SPOCK1: variants seen among roughly 807,000 people sequenced by gnomAD.
SPOCK1 encodes the protein testican-1.
Under a neutral mutation model 55.3 loss-of-function variants are expected in SPOCK1, and 23 were observed. That is an observed-to-expected ratio of 0.42 (90% CI 0.30 to 0.59). The LOEUF (loss-of-function observed/expected upper bound fraction) is 0.59. SPOCK1 is among the 20% of genes least tolerant of loss of function. The pLI is 0.22. For synonymous variants in SPOCK1, 226 were observed against 221.0 expected, an observed-to-expected ratio of 1.02 and a Z score of -0.20; for missense variants, 499 against 552.5, an observed-to-expected ratio of 0.90 and a Z score of 0.97.
chr5:137,497,472 C>T lies in SPOCK1; in HGVS notation c.186+901G>A, dbSNP rs372962445. On this transcript the variant is annotated intron_variant, in intron 2 of 10. Coordinates refer to ENST00000394945, the MANE Select transcript of SPOCK1 (RefSeq NM_004598.4). ...CCATAAAACATGGTACTCCCAAGTC[C>T]CCTAGAAGGGCATGGCCCTGGCCAG... Among the ~76,000 whole-genome samples, 15 of 152,232 alleles carry T rather than the reference C, an allele frequency of 9.9e-5. No individual in the cohort carries two copies. The East Asian group carries it at 2.7e-3, about 27-fold the overall frequency.
At chr5:137,336,735 G>A (rs551161545) in intron 2 of SPOCK1, among the ~76,000 whole-genome samples, 15 of 152,172 alleles carry the variant, frequency 9.9e-5, no homozygotes, top group Non-Finnish European at 2.1e-4. Context: ...ACATCCAAAG[G>A]AGGCTTGGAT....
chr5:137,270,789 C>A (rs140027335), intron 2 of SPOCK1, among the ~76,000 whole-genome samples: 2 of 152,190 alleles, frequency 1.3e-5, no homozygotes, highest in East Asian at 3.9e-4. Flanking sequence ...GATCACCTGA[C>A]GTCAGGAGTT....
chr5:137,410,117 A>G (rs34178327), intron 2 of SPOCK1, among the ~76,000 whole-genome samples: 10 of 152,182 alleles, frequency 6.6e-5, no homozygotes, highest in Non-Finnish European at 1.0e-4. Context: ...TTCCCAAATC[A>G]TCACACCACA....
intron 6 of SPOCK1, among the ~76,000 whole-genome samples, chr5:137,046,392 AT>A (rs1480322732): frequency 6.6e-6 from 1 of 151,402 alleles, no homozygotes; most frequent in Non-Finnish European, 1.5e-5. Context: ...TAAGTATTTT[AT>A]TCTCTTTGAA....
At chr5:137,224,464 T>G (rs1343095543) in intron 3 of SPOCK1, among the ~76,000 whole-genome samples, 1 of 152,146 alleles carries the variant, frequency 6.6e-6, no homozygotes, top group Non-Finnish European at 1.5e-5. Flanking sequence ...ACAGAAATCC[T>G]TAAAGAATGT....
chr5:137,253,105 T>C (rs1453352535), intron 3 of SPOCK1, among the ~76,000 whole-genome samples: 1 of 152,200 alleles, frequency 6.6e-6, no homozygotes. Flanking sequence ...GAAGTCACAC[T>C]GCATTTGGAA....
intron 5 of SPOCK1, among the ~76,000 whole-genome samples, chr5:137,091,042 A>G (rs1005562989): frequency 6.6e-6 from 1 of 152,210 alleles, no homozygotes; most frequent in Non-Finnish European, 1.5e-5. Context: ...TCTGTGTTCA[A>G]TGGCCAGGAG....
At chr5:137,115,859 G>A (rs1452423501) in intron 4 of SPOCK1, among the ~76,000 whole-genome samples, 1 of 152,118 alleles carries the variant, frequency 6.6e-6, no homozygotes, top group Non-Finnish European at 1.5e-5. Flanking sequence ...CCACAATTCA[G>A]TGCAAATCAT....
chr5:137,370,070 G>T (rs1580890035), intron 2 of SPOCK1, among the ~76,000 whole-genome samples: 1 of 152,104 alleles, frequency 6.6e-6, no homozygotes, highest in South Asian at 2.1e-4. Flanking sequence ...TTCTGGTAGC[G>T]AGTGATGCAA....
intron 2 of SPOCK1, among the ~76,000 whole-genome samples, chr5:137,405,096 C>T (rs567350067): frequency 1.3e-5 from 2 of 152,248 alleles, no homozygotes; most frequent in Middle Eastern, 3.4e-3. Context: ...TCACCTATAG[C>T]GCCAGAAAAT....
chr5:137,399,055 G>A (rs1323409754), intron 2 of SPOCK1, among the ~76,000 whole-genome samples: 1 of 152,218 alleles, frequency 6.6e-6, no homozygotes, highest in Non-Finnish European at 1.5e-5. Flanking sequence ...CAAGGAGATA[G>A]TGCATGCCAC....
At chr5:137,424,328 T>A (rs1666575400) in intron 2 of SPOCK1, among the ~76,000 whole-genome samples, 1 of 152,160 alleles carries the variant, frequency 6.6e-6, no homozygotes, top group Non-Finnish European at 1.5e-5. Flanking sequence ...CTGCAGCAAG[T>A]TATGATCATG....
At chr5:137,034,980 T>C (rs372886199) in intron 6 of SPOCK1, among the ~76,000 whole-genome samples, 10 of 152,122 alleles carry the variant, frequency 6.6e-5, no homozygotes, top group East Asian at 5.8e-4. Context: ...GGAGGGGGCA[T>C]TGGCTACCTC....
At chr5:137,323,019 C>T (rs990670531) in intron 2 of SPOCK1, among the ~76,000 whole-genome samples, 2 of 152,108 alleles carry the variant, frequency 1.3e-5, no homozygotes, top group Non-Finnish European at 2.9e-5. Flanking sequence ...CAAACCCACT[C>T]GTGCAATAAC....
intron 2 of SPOCK1, among the ~76,000 whole-genome samples, chr5:137,348,664 T>C (rs560632528): frequency 6.6e-6 from 1 of 152,094 alleles, no homozygotes; most frequent in African/African-American, 2.4e-5. Context: ...CAGAAATATG[T>C]TGAAGTAGTT....
chr5:137,455,092 G>A (rs553177348), intron 2 of SPOCK1, among the ~76,000 whole-genome samples: 2 of 152,256 alleles, frequency 1.3e-5, no homozygotes, highest in East Asian at 3.9e-4. Context: ...AGTTCACTTA[G>A]CTAGGAACTG....
At chr5:137,072,016 G>C (rs1428985395) in intron 5 of SPOCK1, among the ~76,000 whole-genome samples, 1 of 152,168 alleles carries the variant, frequency 6.6e-6, no homozygotes, top group African/African-American at 2.4e-5. Flanking sequence ...AAAAGAGAGA[G>C]ACTCTAAGGA....
chr5:137,408,806 C>T (rs1226875679), intron 2 of SPOCK1, among the ~76,000 whole-genome samples: 2 of 152,300 alleles, frequency 1.3e-5, no homozygotes, highest in South Asian at 4.1e-4. Flanking sequence ...TGAGACAGAC[C>T]AGGAGCAGCC....
intron 2 of SPOCK1, among the ~76,000 whole-genome samples, chr5:137,315,815 G>A (rs1021984002): frequency 6.6e-6 from 1 of 152,162 alleles, no homozygotes; most frequent in South Asian, 2.1e-4. Flanking sequence ...CTGCTTCTCA[G>A]ACTTCATGGT....
Sources: gnomAD v4.1 joint callset for allele counts (sites outside exome capture counted in the v4.1 genomes callset) on GRCh38, gnomAD v4.1.1 for gene constraint, MANE v1.5 for transcripts, NCBI Gene and HGNC (gene_info 2026-07-23, HGNC 2026-07-21) for gene names.